NUP58: variants seen among roughly 807,000 people sequenced by gnomAD.
The protein encoded by NUP58 is nucleoporin p58/p45.
Under a neutral mutation model 70.1 loss-of-function variants are expected in NUP58, and 17 were observed. The observed-to-expected ratio is 0.24, with a 90% confidence interval of 0.17 to 0.36. The LOEUF (loss-of-function observed/expected upper bound fraction) is 0.36. Among genes scored for constraint, NUP58 ranks in the 10% least tolerant of loss-of-function variants. NUP58 has a pLI of 1.00. For synonymous variants in NUP58, 275 were observed against 257.6 expected, an observed-to-expected ratio of 1.07 and a Z score of -0.65; for missense variants, 644 against 701.5, an observed-to-expected ratio of 0.92 and a Z score of 0.93.
chr13:25,342,789 A>G (rs1413197491), downstream of NUP58, among the ~76,000 whole-genome samples: 1 of 151,854 alleles, frequency 6.6e-6, no homozygotes, highest in African/African-American at 2.4e-5. Flanking sequence ...TTTCTTTTAT[A>G]TTCTCTCTGA....
At chr13:25,310,519 C>CAT (rs538657534) in intron 3 of NUP58, among the ~76,000 whole-genome samples, 2 of 53,554 alleles carry the variant, frequency 3.7e-5, no homozygotes, top group Non-Finnish European at 6.7e-5. Flanking sequence ...TGTGCCTGGC[C>CAT]TTTTTTTTTT....
chr13:25,341,895 C>A lies in NUP58; in HGVS notation c.*1761C>A, dbSNP rs2137847728. On this transcript the variant is annotated 3_prime_UTR_variant, in exon 16 of 16. Transcript: ENST00000381736. Reference sequence around the variant, plus strand: ...CACCTTTTTTCTAAAATAGGCATTGCATACACATATGCACACGTATGTGCA... The same window carrying A: ...CACCTTTTTTCTAAAATAGGCATTGAATACACATATGCACACGTATGTGCA... 1 of 152,466 alleles carries A rather than the reference C, an allele frequency of 6.6e-6. No individual in the cohort carries two copies. The highest frequency in any genetic ancestry group is 2.1e-4 in the South Asian group (1 of 4,822). 9.4% of individuals were successfully genotyped at this position (152,466 alleles called of 1,614,324 possible). A position where few individuals can be genotyped will look rare whatever the true frequency, so the allele number is the denominator to read the frequency against.
In NUP58 at chr13:25,314,310, T is replaced by TTTAAGGAGTCAGTAAAC. The variant is rs537244592; in HGVS notation, c.574+561_574+577dup. ...AGATAAGGAAACAAAGAAGAGCCTG[T>TTTAAGGAGTCAGTAAAC]TTAAGGAGTCAGTAAACTGATCTAG... is the stretch of plus-strand genomic sequence containing the variant. On this transcript the variant is annotated intron_variant, in intron 5 of 15. Coordinates refer to ENST00000381736, the MANE Select transcript of NUP58 (RefSeq NM_014089.4). 6.9e-3 allele frequency among the ~76,000 whole-genome samples: 1,052 copies of TTTAAGGAGTCAGTAAAC among 152,320 alleles called. 17 individuals are homozygous for TTTAAGGAGTCAGTAAAC. The highest frequency in any genetic ancestry group is 0.023 in the African/African-American group (960 of 41,572).
At chr13:25,304,078 A>G (rs953370606) in intron 1 of NUP58, among the ~76,000 whole-genome samples, 5 of 152,164 alleles carry the variant, frequency 3.3e-5, no homozygotes, top group African/African-American at 9.7e-5. Flanking sequence ...GGAGTATAAT[A>G]TATTACCTGA....
downstream of NUP58, among the ~76,000 whole-genome samples, chr13:25,343,830 C>CAT (rs753908293): frequency 7.9e-3 from 1,073 of 135,392 alleles, 13 homozygotes; most frequent in African/African-American, 0.023. Flanking sequence ...TATATATACA[C>CAT]ATATATATAT....
intron 6 of NUP58, among the ~76,000 whole-genome samples, chr13:25,318,344 T>A (rs938912533): frequency 1.3e-5 from 2 of 151,940 alleles, no homozygotes; most frequent in Admixed American, 6.6e-5. Context: ...AAAAAAAAAA[T>A]TTGTAGCCAC....
intron 9 of NUP58, among the ~76,000 whole-genome samples, chr13:25,323,330 T>G (rs1378939751): frequency 6.6e-6 from 1 of 150,916 alleles, no homozygotes; most frequent in Non-Finnish European, 1.5e-5. Context: ...CGTTTACCTA[T>G]GTAACAAACC....
chr13:25,347,745 A>AGAT (rs1330990973), intron 3 of NUP58, among the ~76,000 whole-genome samples: 5 of 152,308 alleles, frequency 3.3e-5, no homozygotes, highest in African/African-American at 1.2e-4. Context: ...TTGTTTTTGT[A>AGAT]GATGTTTTTA....
chr13:25,305,897 T>C (rs2030327915), intron 1 of NUP58, among the ~76,000 whole-genome samples: 1 of 152,132 alleles, frequency 6.6e-6, no homozygotes, highest in Non-Finnish European at 1.5e-5. Context: ...TGGAGAACTC[T>C]TCTGGCTTGG....
intron 9 of NUP58, among the ~76,000 whole-genome samples, chr13:25,321,512 CAT>C (rs1270098369): frequency 7.9e-5 from 12 of 152,148 alleles, no homozygotes; most frequent in Admixed American, 1.3e-4. Context: ...TAAGAGGAAA[CAT>C]AGCTAGTCAG....
At chr13:25,313,871 AC>A in intron 5 of NUP58, 120 bp downstream of exon 5, 3 of 680,852 alleles carry the variant, frequency 4.4e-6, no homozygotes, top group Non-Finnish European at 6.8e-6. Flanking sequence ...AAATATGAAA[AC>A]TAAATTATAA....
At position 25,331,573 on chromosome 13, in the gene NUP58, A is replaced by G; in HGVS notation, c.1435+15A>G. The G allele has an allele frequency of 6.2e-7, 1 of 1,611,880 alleles. No homozygotes were observed. The highest frequency in any genetic ancestry group is 8.5e-7 in the Non-Finnish European group (1 of 1,178,718). Reference sequence around the variant, plus strand: ...GCCTGCTACAGGTCTGAACGCATTCAAGTTATAGCTTCTTACTGTTCCAAT... The same window carrying G: ...GCCTGCTACAGGTCTGAACGCATTCGAGTTATAGCTTCTTACTGTTCCAAT... On this transcript the variant is annotated intron_variant, in intron 13 of 15. Transcript: ENST00000381736.
intron 13 of NUP58, chr13:25,333,876 T>G: frequency 1.0e-6 from 1 of 985,390 alleles, no homozygotes; most frequent in African/African-American, 1.7e-5. Context: ...ATACAAGATT[T>G]GAGTTATCAG....
At chr13:25,347,621 A>G (rs1464180028) in intron 3 of NUP58, among the ~76,000 whole-genome samples, 1 of 152,206 alleles carries the variant, frequency 6.6e-6, no homozygotes, top group African/African-American at 2.4e-5. Flanking sequence ...TAATTCAGCT[A>G]TGCATCTAAA....
At chr13:25,305,493 C>T (rs1052256021) in intron 1 of NUP58, among the ~76,000 whole-genome samples, 2 of 152,070 alleles carry the variant, frequency 1.3e-5, no homozygotes, top group South Asian at 4.2e-4. Flanking sequence ...TAATTGTTAG[C>T]GAGAGCTTAC....
At chr13:25,309,119 A>G in intron 2 of NUP58, 128 bp from the exon 3 acceptor site, 1 of 685,854 alleles carries the variant, frequency 1.5e-6, no homozygotes, top group South Asian at 1.7e-5. Context: ...ATACTATGAT[A>G]TGTATTGTTC....
downstream of NUP58, among the ~76,000 whole-genome samples, chr13:25,344,780 T>C (rs1319826688): frequency 1.3e-5 from 2 of 152,304 alleles, no homozygotes; most frequent in Middle Eastern, 3.4e-3. Context: ...TTGAATTGAG[T>C]GCAAATTTTT....
intron 3 of NUP58, 61 bp downstream of exon 3, chr13:25,309,343 G>A: frequency 1.6e-6 from 2 of 1,272,446 alleles, no homozygotes; most frequent in Non-Finnish European, 1.1e-6. Context: ...AATAAATTGA[G>A]TGATCTTTCT....
At chr13:25,319,280 G>T (rs1239826188) in intron 6 of NUP58, 46 bp from the exon 7 acceptor site, 4 of 1,533,388 alleles carry the variant, frequency 2.6e-6, no homozygotes, top group Non-Finnish European at 3.6e-6. Context: ...GGAGTATGTT[G>T]TTCAATTACC....
Sources: allele counts gnomAD v4.1 joint callset (sites outside exome capture counted in the v4.1 genomes callset), GRCh38; gene constraint gnomAD v4.1.1; transcripts MANE v1.5; gene names NCBI Gene and HGNC (gene_info 2026-07-23, HGNC 2026-07-21).